The following CCDC6 variants were observed in gnomAD, a reference collection of about 807,000 sequenced individuals.
CCDC6 encodes coiled-coil domain-containing protein 6.
Under a neutral mutation model 56.6 loss-of-function variants are expected in CCDC6, and 20 were observed. That is an observed-to-expected ratio of 0.35 (90% CI 0.25 to 0.51). The LOEUF is 0.51. Ranked by LOEUF, CCDC6 falls within the 20% of genes least tolerant of loss-of-function variation. The pLI, the probability that CCDC6 is intolerant of heterozygous loss-of-function variation, is 0.95. For missense variants in CCDC6, 367 were observed against 601.1 expected, an observed-to-expected ratio of 0.61 and a Z score of 4.07; for synonymous variants, 241 against 234.4, an observed-to-expected ratio of 1.03 and a Z score of -0.26.
chr10:59,842,385 A>G (rs1196795728), intron 2 of CCDC6, among the ~76,000 whole-genome samples: 1 of 152,150 alleles, frequency 6.6e-6, no homozygotes, highest in Non-Finnish European at 1.5e-5. Context: ...TTTCAGTTCT[A>G]TTCTTAGTTC....
chr10:59,814,883 C>T (rs1419860205), intron 3 of CCDC6, 128 bp from the exon 4 acceptor site: 1 of 634,422 alleles, frequency 1.6e-6, no homozygotes, highest in East Asian at 2.7e-5. Context: ...TTTTCTGGCA[C>T]AAACATATTA....
intron 7 of CCDC6, among the ~76,000 whole-genome samples, chr10:59,803,972 C>T (rs1955321): frequency 0.48 from 72,766 of 151,986 alleles, 18,202 homozygotes; most frequent in African/African-American, 0.63. Flanking sequence ...GCTGCTTCCT[C>T]ATTTTAACAT....
intron 2 of CCDC6, among the ~76,000 whole-genome samples, chr10:59,840,459 TTATGA>T (rs1225714987): frequency 6.6e-6 from 1 of 152,228 alleles, no homozygotes. Flanking sequence ...TGCGTTTTCC[TTATGA>T]TATGTCTCTG....
intron 2 of CCDC6, among the ~76,000 whole-genome samples, chr10:59,848,114 C>T (rs1404386342): frequency 6.6e-6 from 1 of 152,108 alleles, no homozygotes; most frequent in East Asian, 1.9e-4. Flanking sequence ...ATAGATCCTG[C>T]CCAGGGCAGA....
chr10:59,852,426 G>A, intron 2 of CCDC6, 127 bp downstream of exon 2: 2 of 716,880 alleles, frequency 2.8e-6, no homozygotes, highest in South Asian at 2.7e-5. Context: ...CTGGTATTTT[G>A]AATCTCCAAA....
At position 59,833,955 on chromosome 10, in the gene CCDC6, C is replaced by T. The variant is rs774626770; in HGVS notation, c.454-1302G>A. ...AGAACCCCAAACCAGTGCTCTCTCC[C>T]GCTGTATCACTGAGCAAAGCCAAGA... On this transcript the variant is annotated intron_variant, in intron 2 of 8. Coordinates refer to ENST00000263102, the MANE Select transcript of CCDC6 (RefSeq NM_005436.5). Among the ~76,000 whole-genome samples the T allele has an allele frequency of 2.7e-4, 41 of 152,280 alleles. 1 individual carries two copies. The highest frequency in any genetic ancestry group is 1.2e-3 in the South Asian group (6 of 4,822).
chr10:59,875,459 A>G (rs1392807028), intron 1 of CCDC6, among the ~76,000 whole-genome samples: 1 of 152,186 alleles, frequency 6.6e-6, no homozygotes, highest in Non-Finnish European at 1.5e-5. Flanking sequence ...AGAAGTTCAA[A>G]GGTTCTTGTC....
Position 59,827,939 on chromosome 10 carries a change from A to G in CCDC6, c.582+4586T>C, listed in dbSNP as rs1423559253. Among the ~76,000 whole-genome samples the G allele has an allele frequency of 2.0e-5, 3 of 152,158 alleles. No individual in the cohort carries two copies. The East Asian group carries it at 5.8e-4, about 29-fold the overall frequency. On this transcript the variant is annotated intron_variant, in intron 3 of 8. Coordinates refer to ENST00000263102, the MANE Select transcript of CCDC6 (RefSeq NM_005436.5). ...AATAACCATGGAGTGTCTAAAACCC[A>G]CGTACCGTATGCCACTGTTGTCTTC... is the stretch of plus-strand genomic sequence containing the variant.
At position 59,791,192 on chromosome 10, in the gene CCDC6, T is replaced by C. The variant is rs2070464359; in HGVS notation, c.*1725A>G. The C allele has an allele frequency of 5.1e-6, 1 of 194,660 alleles. No individual in the cohort carries two copies. The highest frequency in any genetic ancestry group is 6.1e-5 in the Admixed American group (1 of 16,416). The allele number at this position is 194,660 out of a possible 1,614,324, so 12.1% of individuals were successfully genotyped here. On this transcript the variant is annotated 3_prime_UTR_variant, in exon 9 of 9. Coordinates refer to ENST00000263102, the MANE Select transcript of CCDC6 (RefSeq NM_005436.5). ...CTGAGAACTGTATTATGATTATGTA[T>C]ATTACACATACATTATAAATAAAAT...
intron 7 of CCDC6, among the ~76,000 whole-genome samples, chr10:59,794,883 T>C (rs546747183): frequency 3.9e-5 from 6 of 152,238 alleles, no homozygotes; most frequent in Non-Finnish European, 4.4e-5. Flanking sequence ...CTTCAACAGA[T>C]GGTGTTGGGA....
chr10:59,866,144 C>T (rs534018150), intron 1 of CCDC6, among the ~76,000 whole-genome samples: 1 of 152,314 alleles, frequency 6.6e-6, no homozygotes, highest in South Asian at 2.1e-4. Flanking sequence ...GCATGGGAAG[C>T]ACCGTGTGGA....
At position 59,832,673 on chromosome 10, in the gene CCDC6, G is replaced by A. The variant is rs768489640; in HGVS notation, c.454-20C>T. ...CTGCAACTGGAAAATGAAAAACACC[G>A]AGATGTGGAAATCAGGCAACTCAAA... On this transcript the variant is annotated intron_variant, in intron 2 of 8. Coordinates refer to ENST00000263102, the MANE Select transcript of CCDC6 (RefSeq NM_005436.5). 17 of 1,608,988 alleles carry A rather than the reference G, an allele frequency of 1.1e-5. No homozygotes were observed. Among genetic ancestry groups the A allele is most frequent in the African/African-American group, 2.7e-5 (2 of 74,462 alleles).
chr10:59,821,419 T>C (rs1289218139), intron 3 of CCDC6, among the ~76,000 whole-genome samples: 1 of 152,216 alleles, frequency 6.6e-6, no homozygotes, highest in Non-Finnish European at 1.5e-5. Context: ...TGCTCAGTCC[T>C]GGCAATTCTC....
At chr10:59,831,713 G>A (rs554622157) in intron 3 of CCDC6, among the ~76,000 whole-genome samples, 1 of 152,310 alleles carries the variant, frequency 6.6e-6, no homozygotes, top group South Asian at 2.1e-4. Flanking sequence ...ATGGGTGAAG[G>A]CATCGGGGAA....
At chr10:59,843,859 G>C (rs181159398) in intron 2 of CCDC6, among the ~76,000 whole-genome samples, 1 of 152,128 alleles carries the variant, frequency 6.6e-6, no homozygotes, top group African/African-American at 2.4e-5. Flanking sequence ...TCCAGCTTGA[G>C]GTAGGGTTGA....
At chr10:59,876,073 C>CTTTTTTTTTTTTTTTTTTTTTTTTT (rs1172379933) in intron 1 of CCDC6, among the ~76,000 whole-genome samples, 1 of 97,586 alleles carries the variant, frequency 1.0e-5, no homozygotes, top group African/African-American at 4.1e-5. Flanking sequence ...GCACAGATGT[C>CTTTTTTTTTTTTTTTTTTTTTTTTT]TTTTTTTTTT....
rs1354694119 is a variant in CCDC6, at chr10:59,791,526, T to C, written c.*1391A>G. On this transcript the variant is annotated 3_prime_UTR_variant, in exon 9 of 9. Coordinates refer to ENST00000263102, the MANE Select transcript of CCDC6 (RefSeq NM_005436.5). ...GATGGTTGTCACAAAACATGGACTC[T>C]TAAAAATTACTGATAAATTACTTTT... 4.6e-5 allele frequency: 9 copies of C among 195,190 alleles called. No homozygotes were observed. The highest frequency in any genetic ancestry group is 9.6e-5 in the Non-Finnish European group (9 of 93,624). 12.1% of individuals were successfully genotyped at this position (195,190 alleles called of 1,614,324 possible).
At chr10:59,829,674 T>C (rs1283104168) in intron 3 of CCDC6, among the ~76,000 whole-genome samples, 2 of 152,194 alleles carry the variant, frequency 1.3e-5, no homozygotes, top group Admixed American at 6.5e-5. Context: ...CCACATATTA[T>C]GATTCTATTT....
chr10:59,823,981 C>A (rs2070766624), intron 3 of CCDC6, among the ~76,000 whole-genome samples: 1 of 152,202 alleles, frequency 6.6e-6, no homozygotes. Context: ...CCAGAAGATG[C>A]ACATCATTGG....
Sources: gnomAD v4.1 joint callset for allele counts (sites outside exome capture counted in the v4.1 genomes callset) on GRCh38, gnomAD v4.1.1 for gene constraint, MANE v1.5 for transcripts, NCBI Gene and HGNC (gene_info 2026-07-23, HGNC 2026-07-21) for gene names.